Variants in CYB5R3 observed in about 807,000 individuals in gnomAD.
CYB5R3 encodes NADH-cytochrome b5 reductase 3.
A neutral mutation model predicts 36.5 loss-of-function variants in CYB5R3; 28 were observed. The observed-to-expected ratio is 0.77, with a 90% CI of 0.57 to 1.05. The LOEUF is 1.05. Ranked by LOEUF, CYB5R3 falls within the 50% of genes least tolerant of loss-of-function variation. CYB5R3 has a pLI of 0.00. For missense variants in CYB5R3, 474 were observed against 408.9 expected, an observed-to-expected ratio of 1.16 and a Z score of -1.37; for synonymous variants, 181 against 159.8, an observed-to-expected ratio of 1.13 and a Z score of -1.00.
In CYB5R3 at chr22:42,619,285, A is replaced by G. The variant is rs1484563748; in HGVS notation, c.*488T>C. On this transcript the variant is annotated 3_prime_UTR_variant, in exon 9 of 9. Coordinates refer to ENST00000352397, the MANE Select transcript of CYB5R3 (RefSeq NM_000398.7). ...CCCCCAAGAGGGCTTTCTGGTGTCA[A>G]TGTCTCATGCAGCGTCAGGTGGTGA... is the stretch of plus-strand genomic sequence containing the variant. The G allele has an allele frequency of 3.0e-5, 5 of 165,432 alleles. No individual in the cohort carries two copies. The East Asian group carries it at 6.7e-4, about 22-fold the overall frequency. 10.2% of individuals were successfully genotyped at this position (165,432 alleles called of 1,614,324 possible).
chr22:42,628,585 C>CT (rs1489117808), intron 4 of CYB5R3, among the ~76,000 whole-genome samples: 1 of 152,146 alleles, frequency 6.6e-6, no homozygotes, highest in Non-Finnish European at 1.5e-5. Context: ...GTCTCTGGGG[C>CT]CCCCTCCCAA....
chr22:42,641,368 G>A (rs542230222), intron 1 of CYB5R3, among the ~76,000 whole-genome samples: 15 of 150,218 alleles, frequency 1.0e-4, no homozygotes, highest in South Asian at 6.3e-4. Context: ...ATGCAGTGGC[G>A]CGATCTTGTC....
chr22:42,638,460 C>G (rs1929025375), intron 1 of CYB5R3, among the ~76,000 whole-genome samples: 1 of 142,564 alleles, frequency 7.0e-6, no homozygotes, highest in African/African-American at 2.6e-5. Context: ...GTCCCAGCTA[C>G]TCAGATGGCA....
chr22:42,629,189 T>C (rs1345548252), intron 4 of CYB5R3, among the ~76,000 whole-genome samples: 2 of 152,156 alleles, frequency 1.3e-5, no homozygotes, highest in African/African-American at 4.8e-5. Flanking sequence ...TCACCTCCTC[T>C]GTGCTTCTGG....
intron 7 of CYB5R3, among the ~76,000 whole-genome samples, chr22:42,626,877 CA>C (rs1928296945): frequency 6.6e-6 from 1 of 152,226 alleles, no homozygotes; most frequent in South Asian, 2.1e-4. Flanking sequence ...AATCAGGAGC[CA>C]GAGACACCAA....
chr22:42,633,474 A>C (rs965929326), intron 2 of CYB5R3: 1 of 152,210 alleles, frequency 6.6e-6, no homozygotes, highest in African/African-American at 2.4e-5. Context: ...TATAAATCAT[A>C]CATTATTTCT....
chr22:42,631,146 C>T (rs1173307600), intron 3 of CYB5R3, 158 bp from the exon 4 acceptor site: 12 of 792,712 alleles, frequency 1.5e-5, no homozygotes, highest in South Asian at 6.2e-5. Context: ...ATTCCCCTCA[C>T]GTCCCAGCTT....
chr22:42,634,226 T>C (rs893230285), intron 2 of CYB5R3, among the ~76,000 whole-genome samples: 1 of 148,532 alleles, frequency 6.7e-6, no homozygotes, highest in African/African-American at 2.5e-5. Context: ...CAGGGCGTGG[T>C]GGTGGGCACC....
intron 7 of CYB5R3, among the ~76,000 whole-genome samples, chr22:42,625,348 A>C (rs941565309): frequency 6.6e-6 from 1 of 152,054 alleles, no homozygotes; most frequent in Non-Finnish European, 1.5e-5. Context: ...CTCTACTAAA[A>C]ATATAAAGAA....
intron 1 of CYB5R3, among the ~76,000 whole-genome samples, chr22:42,642,773 G>A (rs1267246612): frequency 6.6e-6 from 1 of 152,220 alleles, no homozygotes; most frequent in African/African-American, 2.4e-5. Context: ...AAAAGTGTGT[G>A]AAGCCCATAC....
chr22:42,634,407 G>C (rs986935720), intron 2 of CYB5R3, among the ~76,000 whole-genome samples: 1 of 151,926 alleles, frequency 6.6e-6, no homozygotes, highest in Non-Finnish European at 1.5e-5. Flanking sequence ...GGTTAAGTGT[G>C]GTCTCATCTG....
chr22:42,621,211 TG>T (rs1927951348), intron 8 of CYB5R3, among the ~76,000 whole-genome samples: 4 of 151,894 alleles, frequency 2.6e-5, no homozygotes, highest in Admixed American at 6.6e-5. Flanking sequence ...TGTGTGTGTG[TG>T]TGTGTGTTTT....
intron 3 of CYB5R3, 51 bp downstream of exon 3, chr22:42,631,327 G>C: frequency 6.7e-7 from 1 of 1,490,928 alleles, no homozygotes; most frequent in African/African-American, 1.4e-5. Context: ...CTGATCTAGT[G>C]CCCCAGCAGC....
At chr22:42,632,853 C>G (rs1309151648) in intron 2 of CYB5R3, 1 of 151,950 alleles carries the variant, frequency 6.6e-6, no homozygotes, top group African/African-American at 2.4e-5. Flanking sequence ...ATGGAGAAAT[C>G]CCGTCTCTAC....
chr22:42,636,176 C>A (rs6002837), intron 2 of CYB5R3, among the ~76,000 whole-genome samples: 1 of 151,860 alleles, frequency 6.6e-6, no homozygotes, highest in Admixed American at 6.6e-5. Flanking sequence ...GAGATCGCAC[C>A]ACTGCACTCC....
intron 1 of CYB5R3, chr22:42,640,413 C>CT (rs1207332840): frequency 4.2e-5 from 24 of 578,226 alleles, no homozygotes; most frequent in South Asian, 8.2e-5. Flanking sequence ...GAGTCTCACT[C>CT]TATCACCCAG....
At chr22:42,634,695 G>A (rs1410416057) in intron 2 of CYB5R3, among the ~76,000 whole-genome samples, 1 of 142,728 alleles carries the variant, frequency 7.0e-6, no homozygotes, top group Non-Finnish European at 1.5e-5. Flanking sequence ...GCACGATCTC[G>A]GCTCACTGCA....
intron 1 of CYB5R3, among the ~76,000 whole-genome samples, chr22:42,647,911 G>A (rs532195191): frequency 2.0e-3 from 305 of 152,234 alleles, no homozygotes; most frequent in African/African-American, 5.9e-3. Context: ...CAGGTGCAGG[G>A]GACGTGGCCA....
chr22:42,646,131 T>A (rs1929524929), intron 1 of CYB5R3, among the ~76,000 whole-genome samples: 1 of 152,130 alleles, frequency 6.6e-6, no homozygotes, highest in Non-Finnish European at 1.5e-5. Flanking sequence ...TCACCAGCAG[T>A]GGGCCAAGTA....
Sources: allele counts gnomAD v4.1 joint callset (sites outside exome capture counted in the v4.1 genomes callset), GRCh38; gene constraint gnomAD v4.1.1; transcripts MANE v1.5; gene names NCBI Gene and HGNC (gene_info 2026-07-23, HGNC 2026-07-21).